Variants in DLEU7 observed in about 807,000 individuals in gnomAD.
DLEU7 encodes the protein deleted in lymphocytic leukemia 7, also known as leukemia-associated protein 7.
Under a neutral mutation model 16.0 loss-of-function variants are expected in DLEU7, and 17 were observed. That is an observed-to-expected ratio of 1.06 (90% CI 0.73 to 1.59). The LOEUF is 1.59. DLEU7 is among the 40% of genes most tolerant of loss of function. DLEU7 has a pLI of 0.00. For missense variants in DLEU7, 308 were observed against 314.9 expected (o/e 0.98, Z 0.17); for synonymous variants, 113 against 139.8 (o/e 0.81, Z 1.35).
At chr13:50,778,831 T>C (rs530439780) in intron 1 of DLEU7, among the ~76,000 whole-genome samples, 60 of 152,358 alleles carry the variant, frequency 3.9e-4, no homozygotes, top group African/African-American at 1.4e-3. Context: ...TAAAGAAATC[T>C]TAAATAATGG....
chr13:50,774,772 TA>T (rs564220314), intron 1 of DLEU7, among the ~76,000 whole-genome samples: 38 of 149,894 alleles, frequency 2.5e-4, no homozygotes, highest in South Asian at 6.3e-4. Flanking sequence ...TCTGCTAAGT[TA>T]AAAAAAAAAT....
At chr13:50,766,481 A>T (rs544602) in intron 1 of DLEU7, among the ~76,000 whole-genome samples, 72,559 of 150,430 alleles carry the variant, frequency 0.48, 18,638 homozygotes, top group African/African-American at 0.67. Flanking sequence ...TTCTCTTCCT[A>T]CTCCTCCTCT....
intron 1 of DLEU7, among the ~76,000 whole-genome samples, chr13:50,769,557 T>C (rs1444845326): frequency 6.6e-6 from 1 of 152,226 alleles, no homozygotes; most frequent in Non-Finnish European, 1.5e-5. Flanking sequence ...CCTTTCCCCA[T>C]TTCTTATTTT....
chr13:50,773,778 C>T (rs954785240), intron 1 of DLEU7, among the ~76,000 whole-genome samples: 33 of 152,322 alleles, frequency 2.2e-4, no homozygotes, highest in Admixed American at 1.2e-3. Context: ...GCTCAAACTC[C>T]GTGCTGGGAG....
At position 50,798,281 on chromosome 13, in the gene DLEU7, G is replaced by T. The variant is rs114232611; in HGVS notation, c.459+44907C>A. 2.0e-3 allele frequency among the ~76,000 whole-genome samples: 303 copies of T among 152,318 alleles called. 1 individual carries two copies. Among genetic ancestry groups the T allele is most frequent in the African/African-American group, 6.9e-3 (287 of 41,578 alleles). On this transcript the variant is annotated intron_variant, in intron 1 of 1. Transcript: ENST00000400393. ...TTCAAAATAAATAGCACATATATGTGTACAACACAATATGGGTGGCGCAGT... is the reference window on the plus strand; with the variant it reads ...TTCAAAATAAATAGCACATATATGTTTACAACACAATATGGGTGGCGCAGT...
In DLEU7 at chr13:50,841,736, T is replaced by G. The variant is rs1361467097; in HGVS notation, c.459+1452A>C. 8.3e-5 allele frequency among the ~76,000 whole-genome samples: 8 copies of G among 96,560 alleles called. 1 individual carries two copies. The highest frequency in any genetic ancestry group is 3.0e-4 in the African/African-American group (6 of 19,724). The allele number at this position is 96,560 out of a possible 152,430, so 63.3% of individuals were successfully genotyped here. ...CTTGGCAACACAGGCAGACCTTGTC[T>G]CAAAAAAAAAAAAAAAAAAATCCCT... On this transcript the variant is annotated intron_variant, in intron 1 of 1. Transcript: ENST00000504404.
intron 1 of DLEU7, among the ~76,000 whole-genome samples, chr13:50,721,829 C>T (rs569628831): frequency 6.6e-6 from 1 of 152,314 alleles, no homozygotes; most frequent in East Asian, 1.9e-4. Flanking sequence ...AACAACGTAA[C>T]ATCCAATAAG....
intron 1 of DLEU7, among the ~76,000 whole-genome samples, chr13:50,730,513 A>C (rs1179577264): frequency 6.6e-6 from 1 of 152,132 alleles, no homozygotes; most frequent in Non-Finnish European, 1.5e-5. Context: ...GAAAAAATAT[A>C]AGATAAGTGA....
intron 1 of DLEU7, among the ~76,000 whole-genome samples, chr13:50,782,003 T>C (rs967771351): frequency 2.0e-5 from 3 of 152,218 alleles, no homozygotes; most frequent in Non-Finnish European, 2.9e-5. Context: ...GTGGTTTTAT[T>C]TATATGCATA....
intron 1 of DLEU7, among the ~76,000 whole-genome samples, chr13:50,792,181 G>A (rs556928196): frequency 2.6e-5 from 4 of 152,258 alleles, no homozygotes; most frequent in Non-Finnish European, 4.4e-5. Context: ...TGAGTTTTCT[G>A]TTTTCTTCAT....
intron 1 of DLEU7, among the ~76,000 whole-genome samples, chr13:50,802,897 A>G (rs1332700947): frequency 2.0e-5 from 3 of 152,208 alleles, no homozygotes; most frequent in South Asian, 2.1e-4. Context: ...TTTTATCCAC[A>G]TAACAATAGA....
At chr13:50,741,782 T>G (rs768121875) in intron 1 of DLEU7, among the ~76,000 whole-genome samples, 31 of 152,324 alleles carry the variant, frequency 2.0e-4, no homozygotes, top group Non-Finnish European at 3.8e-4. Flanking sequence ...ATTAATCAGA[T>G]ATTTAAATTA....
chr13:50,823,583 T>G, intron 1 of DLEU7, 63 bp from the exon 2 acceptor site: 1 of 1,513,034 alleles, frequency 6.6e-7, no homozygotes. Flanking sequence ...TTGTTGTACT[T>G]TGCTTACCCA....
At chr13:50,793,421 A>G (rs1416331866) in intron 1 of DLEU7, among the ~76,000 whole-genome samples, 1 of 152,170 alleles carries the variant, frequency 6.6e-6, no homozygotes, top group Non-Finnish European at 1.5e-5. Flanking sequence ...TCTTTGAGAA[A>G]TCTCCAAACT....
At chr13:50,778,308 A>G (rs937275225) in intron 1 of DLEU7, among the ~76,000 whole-genome samples, 7 of 152,152 alleles carry the variant, frequency 4.6e-5, no homozygotes, top group Admixed American at 4.6e-4. Flanking sequence ...CACCCTCATG[A>G]TCTAGTTACC....
intron 1 of DLEU7, among the ~76,000 whole-genome samples, chr13:50,803,423 A>G (rs78780093): frequency 0.029 from 4,371 of 152,192 alleles, 92 homozygotes; most frequent in Middle Eastern, 0.082. Context: ...AATTCTCTCT[A>G]TATTAGAATA....
chr13:50,753,087 T>C (rs183786256), intron 1 of DLEU7, among the ~76,000 whole-genome samples: 2 of 143,940 alleles, frequency 1.4e-5, no homozygotes, highest in South Asian at 2.1e-4. Flanking sequence ...AGAGTGTCGA[T>C]TGGTGCATTC....
chr13:50,712,842 CA>C (rs1873332547), exon 2 of DLEU7: 1 of 215,564 alleles, frequency 4.6e-6, no homozygotes, highest in Non-Finnish European at 9.3e-6. Flanking sequence ...TCAGACAATA[CA>C]TTCTGAAAAG....
At chr13:50,792,883 T>G (rs1310461271) in intron 1 of DLEU7, among the ~76,000 whole-genome samples, 1 of 151,946 alleles carries the variant, frequency 6.6e-6, no homozygotes, top group Non-Finnish European at 1.5e-5. Context: ...TTTTCCAACT[T>G]TAATTTTAGA....
Sources: gnomAD v4.1 joint callset for allele counts (sites outside exome capture counted in the v4.1 genomes callset) on GRCh38, gnomAD v4.1.1 for gene constraint, MANE v1.5 for transcripts, NCBI Gene and HGNC (gene_info 2026-07-23, HGNC 2026-07-21) for gene names.